The following TMEM131 variants were observed in gnomAD, a reference collection of about 807,000 sequenced individuals.
TMEM131 encodes the protein 2610524E03Rik.
In TMEM131, 66 loss-of-function variants were observed where a neutral mutation model predicts 211.6. That is an observed-to-expected ratio of 0.31 (90% CI 0.26 to 0.38). The LOEUF (loss-of-function observed/expected upper bound fraction) is 0.38, where lower values mean the gene tolerates loss of function less well. Ranked by LOEUF, TMEM131 falls within the 10% of genes least tolerant of loss-of-function variation. The pLI is 1.00. For synonymous variants in TMEM131, 844 were observed against 841.3 expected (o/e 1.00, Z -0.06); for missense variants, 2,036 against 2,299.3 (o/e 0.89, Z 2.34).
chr2:97,988,231 G>A (rs1288176047), intron 1 of TMEM131, among the ~76,000 whole-genome samples: 1 of 152,128 alleles, frequency 6.6e-6, no homozygotes, highest in African/African-American at 2.4e-5. Flanking sequence ...TTCAACAAAT[G>A]GAACTGGAGA....
chr2:97,907,130 A>C (rs1676103487), intron 3 of TMEM131: 1 of 152,166 alleles, frequency 6.6e-6, no homozygotes, highest in African/African-American at 2.4e-5. Context: ...TTTTGGCTCT[A>C]GATGTGGTTA....
chr2:97,892,672 C>A (rs531295813), intron 3 of TMEM131, among the ~76,000 whole-genome samples: 1 of 152,068 alleles, frequency 6.6e-6, no homozygotes. Flanking sequence ...CTCATTTTTT[C>A]TTTTATGGTA....
At chr2:97,900,027 CT>C (rs34585720) in intron 3 of TMEM131, among the ~76,000 whole-genome samples, 1 of 152,052 alleles carries the variant, frequency 6.6e-6, no homozygotes, top group Non-Finnish European at 1.5e-5. Context: ...CACCAACTTA[CT>C]TTTAAGGTAG....
chr2:97,842,495 A>G (rs1221605658), intron 6 of TMEM131, among the ~76,000 whole-genome samples: 1 of 143,830 alleles, frequency 7.0e-6, no homozygotes, highest in African/African-American at 2.7e-5. Context: ...TTGGAGACAG[A>G]CTGGATACCA....
intron 4 of TMEM131, among the ~76,000 whole-genome samples, chr2:97,866,117 C>T (rs1468156225): frequency 6.6e-6 from 1 of 152,184 alleles, no homozygotes; most frequent in Non-Finnish European, 1.5e-5. Context: ...CTCCTGACCT[C>T]GTGATCCGCC....
chr2:97,950,633 A>G (rs570110247), intron 1 of TMEM131, among the ~76,000 whole-genome samples: 1 of 152,174 alleles, frequency 6.6e-6, no homozygotes, highest in African/African-American at 2.4e-5. Flanking sequence ...ACTTAGAAAT[A>G]ATTTTTTTTT....
intron 11 of TMEM131, among the ~76,000 whole-genome samples, chr2:97,820,015 T>A (rs1203734224): frequency 6.6e-6 from 1 of 152,230 alleles, no homozygotes; most frequent in African/African-American, 2.4e-5. Context: ...TATATGATAA[T>A]GATCAAAGAC....
At chr2:97,767,652 T>C (rs1320940473) in intron 33 of TMEM131, among the ~76,000 whole-genome samples, 1 of 152,246 alleles carries the variant, frequency 6.6e-6, no homozygotes, top group Non-Finnish European at 1.5e-5. Context: ...AGGGCTGAGC[T>C]GATGGCTAGC....
intron 31 of TMEM131, among the ~76,000 whole-genome samples, chr2:97,779,894 C>T (rs1679914671): frequency 6.6e-6 from 1 of 152,086 alleles, no homozygotes; most frequent in Admixed American, 6.5e-5. Context: ...GTGGCACACA[C>T]CTGTAGTTCT....
rs1354981704 is a variant in TMEM131 at position 97,785,994 on chromosome 2, T to TC, written c.4144+6391dup. Reference sequence around the variant, plus strand: ...TTTCAAGAATGTTACATAAATGGAATCATAGTTGCCAGACTAAGGGGTAGG... The same window carrying TC: ...TTTCAAGAATGTTACATAAATGGAATCCATAGTTGCCAGACTAAGGGGTAGG... On this transcript the variant is annotated intron_variant, in intron 31 of 40. Transcript: ENST00000186436. Among the ~76,000 whole-genome samples the TC allele has an allele frequency of 2.0e-5, 3 of 152,184 alleles. No homozygotes were observed. In the South Asian group the frequency reaches 6.2e-4, roughly 32 times the overall value.
chr2:97,787,205 T>C (rs1028065231), intron 31 of TMEM131, among the ~76,000 whole-genome samples: 10 of 152,376 alleles, frequency 6.6e-5, no homozygotes, highest in African/African-American at 2.4e-4. Flanking sequence ...ACTTCGTCTT[T>C]ATCTTCACTA....
chr2:97,983,246 C>T (rs1001088468), intron 1 of TMEM131, among the ~76,000 whole-genome samples: 1 of 152,130 alleles, frequency 6.6e-6, no homozygotes, highest in African/African-American at 2.4e-5. Context: ...CAGACAGTAA[C>T]AGTAGAAACT....
chr2:97,928,324 G>A (rs1247363907), intron 1 of TMEM131, among the ~76,000 whole-genome samples: 1 of 148,984 alleles, frequency 6.7e-6, no homozygotes, highest in Non-Finnish European at 1.5e-5. Context: ...GGAGATCAGG[G>A]GGAGATGGGA....
chr2:97,901,295 A>G (rs1675842211), intron 3 of TMEM131, among the ~76,000 whole-genome samples: 1 of 152,156 alleles, frequency 6.6e-6, no homozygotes, highest in African/African-American at 2.4e-5. Flanking sequence ...AGCCTACATC[A>G]ATGTCTTGGA....
intron 12 of TMEM131, 136 bp downstream of exon 12, chr2:97,818,477 G>GA: frequency 3.2e-6 from 1 of 310,344 alleles, no homozygotes; most frequent in Non-Finnish European, 6.1e-6. Context: ...GGGGGGCGGG[G>GA]GGGGATCAAC....
chr2:97,914,482 T>A (rs1342486300), intron 2 of TMEM131, among the ~76,000 whole-genome samples: 2 of 152,224 alleles, frequency 1.3e-5, no homozygotes, highest in African/African-American at 4.8e-5. Flanking sequence ...CACAGAACAG[T>A]GTCAGCACCC....
At chr2:97,919,215 CATTT>C (rs1446810478) in intron 2 of TMEM131, among the ~76,000 whole-genome samples, 2 of 152,218 alleles carry the variant, frequency 1.3e-5, no homozygotes, top group Non-Finnish European at 1.5e-5. Context: ...AGTATACATT[CATTT>C]AGTTATCCAC....
chr2:97,917,756 AC>A (rs886940646), intron 2 of TMEM131, among the ~76,000 whole-genome samples: 5 of 152,282 alleles, frequency 3.3e-5, no homozygotes, highest in South Asian at 2.1e-4. Context: ...CATGGGAGTA[AC>A]CGCCGCCATG....
intron 31 of TMEM131, among the ~76,000 whole-genome samples, chr2:97,780,474 G>A (rs1474238469): frequency 1.3e-5 from 2 of 152,034 alleles, no homozygotes; most frequent in Admixed American, 1.3e-4. Context: ...TACACTGTCA[G>A]TAGCCCTGAC....
Sources: allele counts gnomAD v4.1 joint callset (sites outside exome capture counted in the v4.1 genomes callset), GRCh38; gene constraint gnomAD v4.1.1; transcripts MANE v1.5; gene names NCBI Gene and HGNC (gene_info 2026-07-23, HGNC 2026-07-21).